The following KCTD16 variants were observed in gnomAD, a reference collection of about 807,000 sequenced individuals.
KCTD16 encodes the protein potassium channel tetramerization domain containing 16.
A neutral mutation model predicts 33.2 loss-of-function variants in KCTD16; 13 were observed. The observed-to-expected ratio is 0.39, with a 90% CI of 0.25 to 0.62. KCTD16 has a LOEUF of 0.62. Ranked by LOEUF, KCTD16 falls within the 20% of genes least tolerant of loss-of-function variation. The probability of loss-of-function intolerance (pLI) is 0.50; values close to 1 mark genes in which losing one functional copy is unlikely to be tolerated. For synonymous variants in KCTD16, 197 were observed against 195.3 expected (o/e 1.01, Z -0.07); for missense variants, 441 against 525.1 (o/e 0.84, Z 1.57).
intron 3 of KCTD16, among the ~76,000 whole-genome samples, chr5:144,316,508 CTTTTTTTT>C (rs398050808): frequency 2.5e-5 from 3 of 119,960 alleles, no homozygotes; most frequent in Middle Eastern, 4.1e-3. Context: ...TGTTTTTTGT[CTTTTTTTT>C]TTTTTTTTTT....
intron 3 of KCTD16, among the ~76,000 whole-genome samples, chr5:144,229,619 GA>G (rs1468924394): frequency 6.6e-6 from 1 of 152,148 alleles, no homozygotes; most frequent in East Asian, 1.9e-4. Context: ...TAAGAGTTGG[GA>G]AACAAGTCCA....
At chr5:144,251,898 T>C (rs942883290) in intron 3 of KCTD16, among the ~76,000 whole-genome samples, 1 of 152,206 alleles carries the variant, frequency 6.6e-6, no homozygotes, top group African/African-American at 2.4e-5. Context: ...CATTAATTAA[T>C]GTTTAAAATG....
intron 3 of KCTD16, among the ~76,000 whole-genome samples, chr5:144,270,803 C>A (rs989666797): frequency 6.6e-6 from 1 of 151,534 alleles, no homozygotes; most frequent in East Asian, 1.9e-4. Context: ...AAAAAGAATA[C>A]TCAAATTACT....
chr5:144,310,998 G>A (rs1226397377), intron 3 of KCTD16, among the ~76,000 whole-genome samples: 1 of 152,164 alleles, frequency 6.6e-6, no homozygotes, highest in Non-Finnish European at 1.5e-5. Flanking sequence ...AGGTTGGATT[G>A]TGCTAGATTT....
At position 144,473,990 on chromosome 5, in the gene KCTD16, A is replaced by T; in HGVS notation, c.1163A>T (p.Lys388Met). ...MSSKKKAVKE[K>M]LSIEEELEKC... ...AGCAAAAAAAAAGCTGTTAAAGAAA[A>T]GCTCTCAATTGAGGAGGAGCTGGAG... Residue 388 changes from lysine to methionine, a missense_variant, in exon 4 of 4, where the codon AAG becomes ATG. Lys to Met is a moderately conservative substitution (Grantham distance 95). Around this residue, in one of 3 missense-constraint regions of KCTD16, gnomAD observed 355 missense variants for 413.0 expected, o/e 0.86. Coordinates refer to ENST00000512467, the MANE Select transcript of KCTD16 (RefSeq NM_020768.4). 6.2e-7 allele frequency: 1 copy of T among 1,614,104 alleles called. No individual in the cohort carries two copies. The highest frequency in any genetic ancestry group is 8.5e-7 in the Non-Finnish European group (1 of 1,180,002).
chr5:144,257,612 C>A (rs1346929748), intron 3 of KCTD16, among the ~76,000 whole-genome samples: 1 of 152,024 alleles, frequency 6.6e-6, no homozygotes, highest in Non-Finnish European at 1.5e-5. Flanking sequence ...CCTCAGCCTC[C>A]CGAGTAGCTG....
At chr5:144,354,729 C>G (rs559292632) in intron 3 of KCTD16, among the ~76,000 whole-genome samples, 1 of 152,124 alleles carries the variant, frequency 6.6e-6, no homozygotes, top group Non-Finnish European at 1.5e-5. Flanking sequence ...TGTGTTCAGT[C>G]TATCTATTCG....
chr5:144,221,136 T>C (rs995818762), intron 3 of KCTD16, among the ~76,000 whole-genome samples: 5 of 152,158 alleles, frequency 3.3e-5, no homozygotes, highest in Non-Finnish European at 7.3e-5. Flanking sequence ...TAGCAAATAA[T>C]ACCACATATG....
chr5:144,184,627 A>G lies in KCTD16; in HGVS notation c.-327+10155A>G, dbSNP rs1752689470. 2.0e-5 allele frequency among the ~76,000 whole-genome samples: 3 copies of G among 152,242 alleles called. No homozygotes were observed. In the South Asian group the frequency reaches 6.2e-4, roughly 31 times the overall value. ...GGCAACACCATTTTACATTCCCACCAACAGTGCACAAAGGTTCTAATTGCT... is the reference window on the plus strand; with the variant it reads ...GGCAACACCATTTTACATTCCCACCGACAGTGCACAAAGGTTCTAATTGCT... On this transcript the variant is annotated intron_variant, in intron 2 of 3. Transcript: ENST00000512467.
At chr5:144,453,250 C>T (rs1047084735) in intron 3 of KCTD16, among the ~76,000 whole-genome samples, 3 of 152,096 alleles carry the variant, frequency 2.0e-5, no homozygotes, top group South Asian at 2.1e-4. Flanking sequence ...GCCTCTGACA[C>T]GTCAGAGTCC....
At chr5:144,276,596 T>A (rs1317757387) in intron 3 of KCTD16, among the ~76,000 whole-genome samples, 1 of 152,160 alleles carries the variant, frequency 6.6e-6, no homozygotes, top group Non-Finnish European at 1.5e-5. Flanking sequence ...AAAAGAAAGG[T>A]TTCATTCCCT....
chr5:144,434,411 T>C (rs1753531849), intron 3 of KCTD16, among the ~76,000 whole-genome samples: 1 of 152,092 alleles, frequency 6.6e-6, no homozygotes, highest in Non-Finnish European at 1.5e-5. Flanking sequence ...TAATATTCAG[T>C]ATGAGGATCC....
In KCTD16 at chr5:144,411,175, GA is replaced by G. The variant is rs545386324; in HGVS notation, c.833-62478del. On this transcript the variant is annotated intron_variant, in intron 3 of 3. Transcript: ENST00000512467. ...GCCAATGACATTCTTCACAGAATTA[GA>G]AAAAAAGTCTTAAAATTTATATGGA... Among the ~76,000 whole-genome samples the G allele has an allele frequency of 1.7e-3, 258 of 152,160 alleles. 1 individual carries two copies. The highest frequency in any genetic ancestry group is 6.0e-3 in the African/African-American group (251 of 41,538).
intron 3 of KCTD16, among the ~76,000 whole-genome samples, chr5:144,219,926 AGT>A (rs1192867231): frequency 1.3e-5 from 2 of 152,174 alleles, no homozygotes; most frequent in African/African-American, 2.4e-5. Flanking sequence ...CCGAAACAGA[AGT>A]GCTGCAGCTA....
chr5:144,431,821 G>A (rs942608381), intron 3 of KCTD16, among the ~76,000 whole-genome samples: 13 of 152,054 alleles, frequency 8.5e-5, no homozygotes, highest in Admixed American at 2.6e-4. Flanking sequence ...TTATTTGTAC[G>A]TTAGTGATTC....
chr5:144,276,180 G>A (rs896817624), intron 3 of KCTD16, among the ~76,000 whole-genome samples: 1 of 152,166 alleles, frequency 6.6e-6, no homozygotes, highest in Non-Finnish European at 1.5e-5. Flanking sequence ...TATCATTGCA[G>A]ATAATTCTGA....
intron 3 of KCTD16, among the ~76,000 whole-genome samples, chr5:144,462,246 G>A (rs566323154): frequency 8.6e-5 from 13 of 151,796 alleles, no homozygotes; most frequent in African/African-American, 1.2e-4. Context: ...TGTCTTCCCC[G>A]CCGTCACTCT....
chr5:144,394,955 T>C (rs935423497), intron 3 of KCTD16, among the ~76,000 whole-genome samples: 2 of 152,200 alleles, frequency 1.3e-5, no homozygotes, highest in African/African-American at 4.8e-5. Flanking sequence ...AGATGACAAG[T>C]TATAGCCGGA....
At chr5:144,272,824 T>A (rs1197013548) in intron 3 of KCTD16, among the ~76,000 whole-genome samples, 2 of 151,756 alleles carry the variant, frequency 1.3e-5, no homozygotes, top group Non-Finnish European at 1.5e-5. Flanking sequence ...TATACAAAAA[T>A]TAACTCAAAA....
Sources: allele counts gnomAD v4.1 joint callset (sites outside exome capture counted in the v4.1 genomes callset), GRCh38; gene constraint gnomAD v4.1.1; regional missense constraint gnomAD v4.1.1; transcripts MANE v1.5; gene names NCBI Gene and HGNC (gene_info 2026-07-23, HGNC 2026-07-21).